The following ANKRD42 variants were observed in gnomAD, a reference collection of about 807,000 sequenced individuals.
The protein encoded by ANKRD42 is ankyrin repeat domain-containing protein 42.
In ANKRD42, 43 loss-of-function variants were observed where a neutral mutation model predicts 51.5. That is an observed-to-expected ratio of 0.83 (90% CI 0.65 to 1.08). The LOEUF (loss-of-function observed/expected upper bound fraction) is 1.08, where lower values mean the gene tolerates loss of function less well. Among genes scored for constraint, ANKRD42 ranks in the 50% least tolerant of loss-of-function variants. The probability of loss-of-function intolerance (pLI) is 0.00; values close to 1 mark genes in which losing one functional copy is unlikely to be tolerated. For missense variants in ANKRD42, 608 were observed against 629.3 expected (o/e 0.97, Z 0.36); for synonymous variants, 203 against 213.0 (o/e 0.95, Z 0.41).
downstream of ANKRD42, among the ~76,000 whole-genome samples, chr11:83,257,891 G>T (rs1309765575): frequency 6.6e-6 from 1 of 152,204 alleles, no homozygotes; most frequent in Non-Finnish European, 1.5e-5. Flanking sequence ...TTCTGTAGTG[G>T]GAAGGATTTA....
At chr11:83,219,238 C>T (rs1303875148) in intron 5 of ANKRD42, among the ~76,000 whole-genome samples, 1 of 152,222 alleles carries the variant, frequency 6.6e-6, no homozygotes, top group African/African-American at 2.4e-5. Context: ...CGGATTTAAC[C>T]ATGCTTACCA....
intron 1 of ANKRD42, among the ~76,000 whole-genome samples, chr11:83,198,231 T>C (rs1304228696): frequency 1.3e-5 from 2 of 152,208 alleles, no homozygotes; most frequent in Non-Finnish European, 2.9e-5. Flanking sequence ...CTCTGATGGG[T>C]CCAAGAAAAG....
chr11:83,244,237 T>C (rs1863478347), intron 9 of ANKRD42, among the ~76,000 whole-genome samples: 1 of 152,180 alleles, frequency 6.6e-6, no homozygotes, highest in Admixed American at 6.5e-5. Flanking sequence ...CGCATTGGCC[T>C]CCCAAAGTGC....
At chr11:83,256,276 T>G (rs1017018245), downstream of ANKRD42, among the ~76,000 whole-genome samples, 2 of 152,200 alleles carry the variant, frequency 1.3e-5, no homozygotes, top group Non-Finnish European at 2.9e-5. Flanking sequence ...AAAAATTCAA[T>G]TATGGTTCCA....
chr11:83,254,518 G>C (rs1220498942), intron 11 of ANKRD42, among the ~76,000 whole-genome samples: 4 of 146,448 alleles, frequency 2.7e-5, no homozygotes, highest in African/African-American at 1.0e-4. Flanking sequence ...TGCAGCCTCT[G>C]TCTCCTGGGT....
At chr11:83,259,389 T>G (rs1371519013), downstream of ANKRD42, 1 of 152,200 alleles carries the variant, frequency 6.6e-6, no homozygotes, top group Non-Finnish European at 1.5e-5. Context: ...GGGGACAGGG[T>G]ATGGTATGCA....
intron 1 of ANKRD42, among the ~76,000 whole-genome samples, chr11:83,197,823 T>C (rs1303187959): frequency 6.6e-6 from 1 of 152,172 alleles, no homozygotes; most frequent in Non-Finnish European, 1.5e-5. Flanking sequence ...AAATTAGAAA[T>C]ATAAGAAAGA....
downstream of ANKRD42, chr11:83,260,856 CTA>C (rs959737565): frequency 2.0e-5 from 3 of 152,024 alleles, no homozygotes; most frequent in African/African-American, 4.8e-5. Context: ...TTAAATTTTC[CTA>C]TGAGTTTCTT....
At chr11:83,247,921 T>G in intron 10 of ANKRD42, 22 bp from the exon 11 acceptor site, 1 of 1,573,262 alleles carries the variant, frequency 6.4e-7, no homozygotes, top group Non-Finnish European at 8.6e-7. Context: ...GATTGATTTT[T>G]AAAAAATTTT....
chr11:83,239,871 CTT>C (rs1455226048), intron 8 of ANKRD42, among the ~76,000 whole-genome samples: 1 of 152,144 alleles, frequency 6.6e-6, no homozygotes, highest in Non-Finnish European at 1.5e-5. Context: ...TTAGAGATAA[CTT>C]TGAATCTAGC....
chr11:83,201,085 A>G (rs1861851552), intron 2 of ANKRD42, among the ~76,000 whole-genome samples: 1 of 151,916 alleles, frequency 6.6e-6, no homozygotes, highest in South Asian at 2.1e-4. Context: ...GCACCCAACA[A>G]CCAGTCTTCT....
intron 6 of ANKRD42, among the ~76,000 whole-genome samples, chr11:83,225,398 C>T (rs556502799): frequency 2.0e-5 from 3 of 151,744 alleles, no homozygotes; most frequent in Non-Finnish European, 4.4e-5. Context: ...AAAACCCTAT[C>T]TCTACAAAAA....
chr11:83,241,389 A>T (rs1157827692), intron 9 of ANKRD42, among the ~76,000 whole-genome samples: 3 of 152,196 alleles, frequency 2.0e-5, no homozygotes, highest in Non-Finnish European at 2.9e-5. Context: ...TAAATAATTG[A>T]TAAGAAAATA....
chr11:83,255,764 C>A, intron 11 of ANKRD42: 2 of 1,052,510 alleles, frequency 1.9e-6, no homozygotes, highest in African/African-American at 1.6e-5. Flanking sequence ...ATTTTTTTTT[C>A]TTTTGAACAG....
downstream of ANKRD42, among the ~76,000 whole-genome samples, chr11:83,258,728 C>T (rs915843429): frequency 2.0e-4 from 30 of 152,014 alleles, no homozygotes; most frequent in African/African-American, 6.5e-4. Context: ...TCCCACTGCC[C>T]TTTTTTTAAA....
chr11:83,262,036 G>A (rs1042253995), downstream of ANKRD42: 36 of 1,092,188 alleles, frequency 3.3e-5, no homozygotes, highest in Middle Eastern at 6.2e-4. Context: ...AGAGAATAAT[G>A]TTATCTTTAA....
At chr11:83,203,474 A>C (rs1260676637) in intron 2 of ANKRD42, among the ~76,000 whole-genome samples, 3 of 149,526 alleles carry the variant, frequency 2.0e-5, no homozygotes. Context: ...GTTGACTGCA[A>C]CCCCTGCCTC....
chr11:83,236,747 G>A (rs890576716), intron 8 of ANKRD42, among the ~76,000 whole-genome samples: 3 of 152,160 alleles, frequency 2.0e-5, no homozygotes, highest in Admixed American at 6.5e-5. Flanking sequence ...GGGGTCTTTG[G>A]AAATGTTGGG....
chr11:83,233,217 T>G (rs1370107239), intron 7 of ANKRD42, among the ~76,000 whole-genome samples: 3 of 151,734 alleles, frequency 2.0e-5, no homozygotes, highest in Non-Finnish European at 4.4e-5. Context: ...TCTGGGGTTT[T>G]TTTTTTTTTT....
Sources: allele counts gnomAD v4.1 joint callset (sites outside exome capture counted in the v4.1 genomes callset), GRCh38; gene constraint gnomAD v4.1.1; transcripts MANE v1.5; gene names NCBI Gene and HGNC (gene_info 2026-07-23, HGNC 2026-07-21).